ANO2: variants seen among roughly 807,000 people sequenced by gnomAD.
ANO2 encodes anoctamin 2.
A neutral mutation model predicts 124.2 loss-of-function variants in ANO2; 101 were observed. The observed-to-expected ratio is 0.81, with a 90% CI of 0.69 to 0.96. The LOEUF is 0.96. Among genes scored for constraint, ANO2 ranks in the 40% least tolerant of loss-of-function variants. The probability of loss-of-function intolerance (pLI) is 0.00; values close to 1 mark genes in which losing one functional copy is unlikely to be tolerated. For synonymous variants in ANO2, 486 were observed against 482.5 expected, an observed-to-expected ratio of 1.01 and a Z score of -0.09; for missense variants, 1,293 against 1,274.5, an observed-to-expected ratio of 1.01 and a Z score of -0.22.
At position 5,783,533 on chromosome 12, in the gene ANO2, G is replaced by A. The variant is rs373963618; in HGVS notation, c.1055+15974C>T. On this transcript the variant is annotated intron_variant, in intron 10 of 24. Transcript: ENST00000682330. ...GGAAGTATCATGGCAAATTGCCAGG[G>A]TGATGGTGAATGTATAGTCTACATG... Among the ~76,000 whole-genome samples, 11 of 152,338 alleles carry A rather than the reference G, an allele frequency of 7.2e-5. No homozygotes were observed. The East Asian group carries it at 9.6e-4, about 13-fold the overall frequency.
chr12:5,640,517 T>TA (rs1351505160), intron 15 of ANO2, among the ~76,000 whole-genome samples: 2 of 152,070 alleles, frequency 1.3e-5, no homozygotes, highest in Non-Finnish European at 2.9e-5. Context: ...ACAAAGAACT[T>TA]AAACAAATTT....
At chr12:5,911,420 A>C (rs1161207403) in intron 3 of ANO2, among the ~76,000 whole-genome samples, 2 of 152,194 alleles carry the variant, frequency 1.3e-5, no homozygotes, top group Admixed American at 1.3e-4. Flanking sequence ...TTTCCTTCTC[A>C]ATGTGTGTCT....
At position 5,701,068 on chromosome 12, in the gene ANO2, A is replaced by G. The variant is rs561622613; in HGVS notation, c.1545+31452T>C. On this transcript the variant is annotated intron_variant, in intron 14 of 24. Transcript: ENST00000682330. ...CAACTTCTTACAGGGTAAATCCTCTAGGATTCTAGTCATTTTCAATTTTTT... is the reference window on the plus strand; with the variant it reads ...CAACTTCTTACAGGGTAAATCCTCTGGGATTCTAGTCATTTTCAATTTTTT... Among the ~76,000 whole-genome samples, 3 of 145,196 alleles carry G rather than the reference A, an allele frequency of 2.1e-5. No individual in the cohort carries two copies. In the South Asian group the frequency reaches 6.6e-4, roughly 32 times the overall value.
At chr12:5,803,262 C>T (rs887679774) in intron 9 of ANO2, among the ~76,000 whole-genome samples, 1 of 152,156 alleles carries the variant, frequency 6.6e-6, no homozygotes, top group African/African-American at 2.4e-5. Context: ...TAGGTCTCAG[C>T]GTCTCCACAC....
At chr12:5,851,302 A>T (rs1954889942) in intron 4 of ANO2, among the ~76,000 whole-genome samples, 1 of 152,202 alleles carries the variant, frequency 6.6e-6, no homozygotes, top group African/African-American at 2.4e-5. Flanking sequence ...ATGTGAAAAG[A>T]TAAAGGAGAT....
At chr12:5,920,352 A>T (rs1475969911) in intron 3 of ANO2, among the ~76,000 whole-genome samples, 1 of 152,184 alleles carries the variant, frequency 6.6e-6, no homozygotes, top group Non-Finnish European at 1.5e-5. Context: ...TTCAACAAGG[A>T]AACTAGGTCT....
chr12:5,794,213 G>A (rs1025685742), intron 10 of ANO2, among the ~76,000 whole-genome samples: 8 of 152,100 alleles, frequency 5.3e-5, no homozygotes, highest in African/African-American at 1.7e-4. Flanking sequence ...GATAAGACCC[G>A]TGCAAATGCC....
At chr12:5,911,797 C>T (rs1349807313) in intron 3 of ANO2, among the ~76,000 whole-genome samples, 1 of 152,198 alleles carries the variant, frequency 6.6e-6, no homozygotes, top group Non-Finnish European at 1.5e-5. Context: ...TTGTGCCAGT[C>T]ACATATTCTC....
At chr12:5,872,981 T>C (rs1039915992) in intron 3 of ANO2, among the ~76,000 whole-genome samples, 1 of 152,148 alleles carries the variant, frequency 6.6e-6, no homozygotes, top group Non-Finnish European at 1.5e-5. Flanking sequence ...TATATGTTAG[T>C]TTCCTTCAGC....
intron 14 of ANO2, among the ~76,000 whole-genome samples, chr12:5,681,412 G>A (rs566451621): frequency 1.3e-5 from 2 of 152,302 alleles, no homozygotes; most frequent in East Asian, 3.9e-4. Flanking sequence ...GGGAAGGGCA[G>A]AGTGCCCAAG....
chr12:5,746,869 A>T (rs980197541), intron 11 of ANO2, among the ~76,000 whole-genome samples: 1 of 152,198 alleles, frequency 6.6e-6, no homozygotes, highest in African/African-American at 2.4e-5. Context: ...CTTTTTAAAA[A>T]ATGTCCTAGT....
intron 23 of ANO2, among the ~76,000 whole-genome samples, chr12:5,574,867 C>T (rs1429256253): frequency 6.6e-6 from 1 of 152,158 alleles, no homozygotes; most frequent in Non-Finnish European, 1.5e-5. Flanking sequence ...TCAGGACTTC[C>T]CATTATGTAC....
intron 13 of ANO2, among the ~76,000 whole-genome samples, chr12:5,733,417 G>C (rs1022245370): frequency 6.6e-6 from 1 of 152,142 alleles, no homozygotes; most frequent in African/African-American, 2.4e-5. Context: ...GTGTACACCT[G>C]GCCTCATTGG....
intron 16 of ANO2, among the ~76,000 whole-genome samples, chr12:5,617,482 C>T (rs969973963): frequency 6.7e-5 from 10 of 148,630 alleles, no homozygotes; most frequent in African/African-American, 1.2e-4. Flanking sequence ...CAGATTACGT[C>T]GTACCGCACT....
chr12:5,625,947 G>T (rs947555432), intron 16 of ANO2, among the ~76,000 whole-genome samples: 3 of 152,156 alleles, frequency 2.0e-5, no homozygotes, highest in African/African-American at 4.8e-5. Flanking sequence ...TTCAACATTT[G>T]TTGGGAAATA....
intron 14 of ANO2, among the ~76,000 whole-genome samples, chr12:5,659,702 CCAGCTCA>C (rs1272433240): frequency 6.6e-6 from 1 of 152,230 alleles, no homozygotes; most frequent in Non-Finnish European, 1.5e-5. Flanking sequence ...CTCCTGGGGT[CCAGCTCA>C]CTTGCTCTGC....
intron 3 of ANO2, among the ~76,000 whole-genome samples, chr12:5,915,331 A>T (rs1178953077): frequency 6.6e-6 from 1 of 152,252 alleles, no homozygotes. Context: ...ATGAACATGG[A>T]CAATATCAAT....
chr12:5,695,566 C>T (rs1188937928), intron 14 of ANO2, among the ~76,000 whole-genome samples: 1 of 152,202 alleles, frequency 6.6e-6, no homozygotes, highest in Non-Finnish European at 1.5e-5. Flanking sequence ...GAGGGCTGGG[C>T]CCAGTGGCTC....
intron 10 of ANO2, among the ~76,000 whole-genome samples, chr12:5,773,159 C>T (rs1348626483): frequency 6.6e-6 from 1 of 152,260 alleles, no homozygotes; most frequent in African/African-American, 2.4e-5. Flanking sequence ...CTACAGCCCT[C>T]TCTGGGTTCT....
Sources: allele counts gnomAD v4.1 joint callset (sites outside exome capture counted in the v4.1 genomes callset), GRCh38; gene constraint gnomAD v4.1.1; transcripts MANE v1.5; gene names NCBI Gene and HGNC (gene_info 2026-07-23, HGNC 2026-07-21).